Variants in IGSF23 observed in about 807,000 individuals in gnomAD.
The protein encoded by IGSF23 is immunoglobulin superfamily member 23, also known as immunoglobulin superfamily, member 23.
Under a neutral mutation model 17.8 loss-of-function variants are expected in IGSF23, and 14 were observed. That is an observed-to-expected ratio of 0.79 (90% CI 0.52 to 1.23). IGSF23 has a LOEUF of 1.23. Ranked by LOEUF, IGSF23 falls within the 50% of genes most tolerant of loss-of-function variation. The pLI, the probability that IGSF23 is intolerant of heterozygous loss-of-function variation, is 0.00. For synonymous variants in IGSF23, 85 were observed against 92.5 expected (o/e 0.92, Z 0.46); for missense variants, 214 against 241.7 (o/e 0.89, Z 0.76).
chr19:44,633,144 TCA>T (rs1181771889), intron 3 of IGSF23, among the ~76,000 whole-genome samples: 1 of 152,250 alleles, frequency 6.6e-6, no homozygotes, highest in African/African-American at 2.4e-5. Context: ...TGCAAACCGT[TCA>T]CAGTCTTGCT....
intron 1 of IGSF23, among the ~76,000 whole-genome samples, 178 bp from the exon 2 acceptor site, chr19:44,623,529 C>T (rs1972566263): frequency 6.6e-6 from 1 of 152,176 alleles, no homozygotes; most frequent in Non-Finnish European, 1.5e-5. Flanking sequence ...GTGGGAAGGG[C>T]AAGGGGTTGG....
At chr19:44,629,111 G>C (rs1040592560) in intron 3 of IGSF23, among the ~76,000 whole-genome samples, 9 of 152,194 alleles carry the variant, frequency 5.9e-5, no homozygotes, top group African/African-American at 2.2e-4. Context: ...AAGGCAGCTA[G>C]ACCCTTGCAT....
intron 2 of IGSF23, among the ~76,000 whole-genome samples, chr19:44,626,625 C>T (rs1972653407): frequency 1.3e-5 from 2 of 152,118 alleles, no homozygotes. Flanking sequence ...TGGCCAGGTA[C>T]AGTGGCTCAT....
At chr19:44,632,668 C>G (rs75131878) in intron 3 of IGSF23, 2 of 152,662 alleles carry the variant, frequency 1.3e-5, no homozygotes, top group Non-Finnish European at 1.5e-5. Flanking sequence ...ATTTTACCTA[C>G]TTCCCAACTT....
chr19:44,623,958 C>T lies in IGSF23; in HGVS notation c.377C>T (p.Thr126Ile), dbSNP rs1254457053. 1 of 1,549,536 alleles carries T rather than the reference C, an allele frequency of 6.5e-7. No homozygotes were observed. The highest frequency in any genetic ancestry group is 8.7e-7 in the Non-Finnish European group (1 of 1,146,574). Reference sequence around the variant, plus strand: ...AAACAGCTGGTCTCTGAGCCTGTAACCATCTCGCTGCCAAGTGAGTCCCCC... The same window carrying T: ...AAACAGCTGGTCTCTGAGCCTGTAATCATCTCGCTGCCAAGTGAGTCCCCC... ...SKKQLVSEPV[T>I]ISLPKPIMQP... The change falls in exon 2 of 5, where the codon ACC becomes ATC. Residue 126 changes from threonine (T) to isoleucine (I), a missense_variant. Thr to Ile is a moderately conservative substitution (Grantham distance 89). Transcript: ENST00000402988.
At chr19:44,625,920 C>G (rs1380439980) in intron 2 of IGSF23, among the ~76,000 whole-genome samples, 1 of 152,186 alleles carries the variant, frequency 6.6e-6, no homozygotes, top group Non-Finnish European at 1.5e-5. Flanking sequence ...TGCCTGCCGC[C>G]ATGTAAGACA....
At chr19:44,634,639 G>A (rs1383080414) in intron 3 of IGSF23, among the ~76,000 whole-genome samples, 1 of 152,082 alleles carries the variant, frequency 6.6e-6, no homozygotes, top group Non-Finnish European at 1.5e-5. Flanking sequence ...AAGAACTGGA[G>A]GGTCAGGCCA....
intron 3 of IGSF23, among the ~76,000 whole-genome samples, chr19:44,629,327 G>A (rs1972717700): frequency 6.6e-6 from 1 of 152,192 alleles, no homozygotes; most frequent in African/African-American, 2.4e-5. Flanking sequence ...CAAGGCAGGA[G>A]GATCACTTGA....
rs544985036 is a variant in IGSF23 at position 44,629,003 on chromosome 19, T to A, written c.545+1430T>A. Among the ~76,000 whole-genome samples the A allele has an allele frequency of 2.0e-5, 3 of 152,034 alleles. No homozygotes were observed. In the East Asian group the frequency reaches 5.8e-4, roughly 29 times the overall value. On this transcript the variant is annotated intron_variant, in intron 3 of 4. Transcript: ENST00000402988. ...GGCCCTGAGGCAGGATTGCCTGGCA[T>A]GTTCAGGAAATAGTGAGGAGCCCAG...
intron 1 of IGSF23, among the ~76,000 whole-genome samples, chr19:44,620,111 A>G (rs1477546107): frequency 1.3e-5 from 2 of 152,102 alleles, no homozygotes; most frequent in African/African-American, 2.4e-5. Flanking sequence ...TTTATTAAAA[A>G]TACAAAAATT....
At position 44,623,905 on chromosome 19, in the gene IGSF23, C is replaced by T; in HGVS notation, c.324C>T (p.Thr108=). The T allele has an allele frequency of 1.9e-6, 3 of 1,550,814 alleles. No individual in the cohort carries two copies. The highest frequency in any genetic ancestry group is 1.2e-5 in the South Asian group (1 of 84,066). The change falls in exon 2 of 5, where the codon ACC becomes ACT. Residue 108 remains threonine (T), a synonymous_variant. Transcript: ENST00000402988. ...GGTTGTCCTGTGAGCAGCTGGGCACCTACATGTGCATAGCCACAAACAGCA... is the reference window on the plus strand; with the variant it reads ...GGTTGTCCTGTGAGCAGCTGGGCACTTACATGTGCATAGCCACAAACAGCA... The part of the protein sequence containing the change: ...IRRLSCEQLG[T]YMCIATNSKK...
At chr19:44,621,376 C>T (rs1232170382) in intron 1 of IGSF23, among the ~76,000 whole-genome samples, 7 of 150,546 alleles carry the variant, frequency 4.6e-5, no homozygotes, top group Non-Finnish European at 7.4e-5. Context: ...AAGGCCGGCA[C>T]GGTGGCTTAC....
intron 1 of IGSF23, among the ~76,000 whole-genome samples, chr19:44,620,389 T>C: frequency 8.0e-6 from 1 of 125,550 alleles, no homozygotes; most frequent in Non-Finnish European, 1.7e-5. Context: ...GTGTGTGAGA[T>C]GGAGCCTCGC....
Position 44,623,800 on chromosome 19 carries a change from G to A in IGSF23, c.219G>A (p.Val73=). The change falls in exon 2 of 5, where the codon GTG becomes GTA. Residue 73 remains valine (V), a synonymous_variant. Transcript: ENST00000402988. ...ATTCTGTGATCCTGCAGTGGGTGGT[G>A]ACAATGGACCCTGAGCCTGTGCTGA... ...LNYSVILQWV[V]TMDPEPVLSW... The A allele has an allele frequency of 1.3e-6, 2 of 1,550,974 alleles. No homozygotes were observed. Among genetic ancestry groups the A allele is most frequent in the Non-Finnish European group, 8.7e-7 (1 of 1,147,076 alleles).
chr19:44,629,586 TA>T (rs1972723303), intron 3 of IGSF23, among the ~76,000 whole-genome samples: 1 of 150,588 alleles, frequency 6.6e-6, no homozygotes, highest in South Asian at 2.1e-4. Flanking sequence ...ATAATGTTTT[TA>T]AAAAACTTGA....
intron 1 of IGSF23, among the ~76,000 whole-genome samples, chr19:44,619,303 T>C (rs1048768932): frequency 6.6e-6 from 1 of 152,186 alleles, no homozygotes; most frequent in Admixed American, 6.5e-5. Context: ...CATTTCAACA[T>C]GAGATTTTGG....
At chr19:44,624,567 G>A (rs1972599943) in intron 2 of IGSF23, among the ~76,000 whole-genome samples, 1 of 151,986 alleles carries the variant, frequency 6.6e-6, no homozygotes, top group Non-Finnish European at 1.5e-5. Context: ...TTACAGACAT[G>A]AGCCACCTCG....
chr19:44,618,960 C>A (rs1972449886), intron 1 of IGSF23, among the ~76,000 whole-genome samples: 1 of 147,508 alleles, frequency 6.8e-6, no homozygotes, highest in African/African-American at 2.5e-5. Flanking sequence ...TAAAGACATA[C>A]CTGAGACTGG....
chr19:44,614,043 T>C (rs1011777327), intron 1 of IGSF23: 3 of 1,382,286 alleles, frequency 2.2e-6, no homozygotes, highest in African/African-American at 1.4e-5. Context: ...GAGGAGAGTG[T>C]CTCCTTACGA....
Sources: gnomAD v4.1 joint callset for allele counts (sites outside exome capture counted in the v4.1 genomes callset) on GRCh38, gnomAD v4.1.1 for gene constraint, MANE v1.5 for transcripts, NCBI Gene and HGNC (gene_info 2026-07-23, HGNC 2026-07-21) for gene names.